The following CEP112 variants were observed in gnomAD, a reference collection of about 807,000 sequenced individuals.
CEP112 encodes centrosomal protein 112.
A neutral mutation model predicts 153.0 loss-of-function variants in CEP112; 127 were observed. The observed-to-expected ratio is 0.83, with a 90% CI of 0.72 to 0.96. The LOEUF (loss-of-function observed/expected upper bound fraction) is 0.96. CEP112 is among the 40% of genes least tolerant of loss of function. CEP112 has a pLI of 0.00. For synonymous variants in CEP112, 358 were observed against 374.4 expected (o/e 0.96, Z 0.51); for missense variants, 1,089 against 1,101.2 (o/e 0.99, Z 0.16).
chr17:66,016,551 C>T (rs2064783175), intron 16 of CEP112, among the ~76,000 whole-genome samples: 1 of 152,096 alleles, frequency 6.6e-6, no homozygotes, highest in Non-Finnish European at 1.5e-5. Context: ...TGATATGTTA[C>T]ACAGCCTGCT....
chr17:65,780,492 A>G (rs1011230589), intron 21 of CEP112, among the ~76,000 whole-genome samples: 1 of 152,086 alleles, frequency 6.6e-6, no homozygotes, highest in Non-Finnish European at 1.5e-5. Flanking sequence ...ATGTGCAGAA[A>G]ATAATTTATC....
At chr17:65,853,847 C>T (rs2058044802) in intron 20 of CEP112, among the ~76,000 whole-genome samples, 1 of 152,138 alleles carries the variant, frequency 6.6e-6, no homozygotes, top group Non-Finnish European at 1.5e-5. Flanking sequence ...TCTAATTGCA[C>T]TGTGGCCAAA....
chr17:65,856,161 TAGA>T (rs1009910399), intron 20 of CEP112, among the ~76,000 whole-genome samples: 1 of 152,038 alleles, frequency 6.6e-6, no homozygotes, highest in East Asian at 1.9e-4. Flanking sequence ...ATTAATGTCA[TAGA>T]AGAAGGAAAA....
At chr17:65,902,006 G>GGGGGGA (rs1277838039) in intron 20 of CEP112, 146 bp downstream of exon 20, 12 of 243,250 alleles carry the variant, frequency 4.9e-5, no homozygotes, top group African/African-American at 2.3e-4. Context: ...GGGTGGGGGG[G>GGGGGGA]AGAAAAACAA....
chr17:66,184,824 C>A (rs1285723517), intron 1 of CEP112, among the ~76,000 whole-genome samples: 1 of 152,056 alleles, frequency 6.6e-6, no homozygotes, highest in African/African-American at 2.4e-5. Flanking sequence ...CACCAAACAA[C>A]TGAAAACAGC....
At chr17:65,712,380 C>T (rs1341419992) in intron 23 of CEP112, among the ~76,000 whole-genome samples, 6 of 151,422 alleles carry the variant, frequency 4.0e-5, no homozygotes, top group African/African-American at 1.5e-4. Flanking sequence ...TCTTTTAGAT[C>T]TCTAAGGAGA....
intron 17 of CEP112, among the ~76,000 whole-genome samples, chr17:65,986,475 G>A (rs923692945): frequency 1.3e-4 from 20 of 152,076 alleles, no homozygotes; most frequent in African/African-American, 4.1e-4. Flanking sequence ...ATGGTGGTAC[G>A]TTTTTCTAAC....
At chr17:65,775,704 T>C (rs2053638430) in intron 21 of CEP112, among the ~76,000 whole-genome samples, 2 of 152,110 alleles carry the variant, frequency 1.3e-5, no homozygotes, top group Non-Finnish European at 2.9e-5. Context: ...CATTTCACCA[T>C]GTTGACTAGG....
intron 19 of CEP112, 65 bp from the exon 20 acceptor site, chr17:65,902,399 A>G (rs1338538058): frequency 7.5e-7 from 1 of 1,337,090 alleles, no homozygotes; most frequent in African/African-American, 1.5e-5. Flanking sequence ...CAACTCATGT[A>G]CAGCTTAATT....
chr17:65,775,510 A>AT (rs34490991), intron 21 of CEP112, among the ~76,000 whole-genome samples: 47 of 151,484 alleles, frequency 3.1e-4, no homozygotes, highest in Admixed American at 2.0e-3. Flanking sequence ...TTTAAATTTT[A>AT]TTTTTTTTTG....
intron 17 of CEP112, among the ~76,000 whole-genome samples, chr17:65,963,649 CGATATA>C (rs890306317): frequency 1.1e-4 from 17 of 149,804 alleles, no homozygotes; most frequent in African/African-American, 1.0e-4. Context: ...ATATAGATAT[CGATATA>C]GATATAGATA....
At chr17:66,018,562 T>C (rs2064866616) in intron 16 of CEP112, among the ~76,000 whole-genome samples, 1 of 152,212 alleles carries the variant, frequency 6.6e-6, no homozygotes, top group Non-Finnish European at 1.5e-5. Context: ...CTATAAATCT[T>C]TTCACTGCAC....
intron 4 of CEP112, among the ~76,000 whole-genome samples, chr17:66,140,882 A>G (rs973068600): frequency 3.3e-5 from 5 of 151,860 alleles, no homozygotes; most frequent in Non-Finnish European, 2.9e-5. Flanking sequence ...CCTGATCTCA[A>G]GTGATCTGCC....
At chr17:66,186,129 T>C (rs980879674) in intron 1 of CEP112, among the ~76,000 whole-genome samples, 6 of 151,944 alleles carry the variant, frequency 3.9e-5, no homozygotes, top group African/African-American at 1.2e-4. Context: ...CTTACCAAGA[T>C]CCATCCTGCC....
At chr17:66,022,748 T>C (rs1374150466) in intron 16 of CEP112, among the ~76,000 whole-genome samples, 2 of 143,742 alleles carry the variant, frequency 1.4e-5, no homozygotes, top group Admixed American at 1.4e-4. Flanking sequence ...GATAAAGAAG[T>C]AAAAATACTG....
intron 24 of CEP112, among the ~76,000 whole-genome samples, chr17:65,660,236 C>CTTCTTTCCTTCCTTCCTTCCTCTT (rs1555606761): frequency 7.3e-6 from 1 of 137,580 alleles, no homozygotes; most frequent in African/African-American, 2.8e-5. Context: ...TCCTTCCTTC[C>CTTCTTTCCTTCCTTCCTTCCTCTT]TCTTTTTTGT....
chr17:66,124,186 C>T (rs2069732466), intron 6 of CEP112, among the ~76,000 whole-genome samples: 2 of 152,090 alleles, frequency 1.3e-5, no homozygotes, highest in South Asian at 4.1e-4. Flanking sequence ...CACATGTCCA[C>T]CTTGGGGAAA....
intron 21 of CEP112, among the ~76,000 whole-genome samples, chr17:65,768,204 G>C (rs1184172573): frequency 6.6e-6 from 1 of 151,894 alleles, no homozygotes; most frequent in Non-Finnish European, 1.5e-5. Context: ...TATTTTTACA[G>C]TAAAGTAAGC....
intron 12 of CEP112, among the ~76,000 whole-genome samples, chr17:66,032,897 G>C (rs558382905): frequency 1.3e-4 from 20 of 152,242 alleles, no homozygotes; most frequent in Admixed American, 6.5e-4. Flanking sequence ...CTCGTGGCTG[G>C]AAATCCTGAA....
Sources: allele counts gnomAD v4.1 joint callset (sites outside exome capture counted in the v4.1 genomes callset), GRCh38; gene constraint gnomAD v4.1.1; transcripts MANE v1.5; gene names NCBI Gene and HGNC (gene_info 2026-07-23, HGNC 2026-07-21).